RAP2B: variants seen among roughly 807,000 people sequenced by gnomAD.
RAP2B encodes the protein ras-related protein Rap-2b.
A neutral mutation model predicts 14.4 loss-of-function variants in RAP2B; 6 were observed. The observed-to-expected ratio is 0.42, with a 90% CI of 0.23 to 0.82. RAP2B has a LOEUF of 0.82. Ranked by LOEUF, RAP2B falls within the 40% of genes least tolerant of loss-of-function variation. RAP2B has a pLI of 0.30. For missense variants in RAP2B, 137 were observed against 248.2 expected, an observed-to-expected ratio of 0.55 and a Z score of 3.01; for synonymous variants, 118 against 113.2, an observed-to-expected ratio of 1.04 and a Z score of -0.27.
In RAP2B at chr3:153,169,507, G is replaced by A. The variant is rs190392083; in HGVS notation, c.*6262G>A. On this transcript the variant is annotated 3_prime_UTR_variant, in exon 1 of 1. Transcript: ENST00000323534. ...GTCGCCCAGGCTGGAGTGCAATGGC[G>A]CGATCTCGGCTCACTGCAACCTCTG... 541 of 154,022 alleles carry A rather than the reference G, an allele frequency of 3.5e-3. 4 individuals are homozygous for A. Among genetic ancestry groups the A allele is most frequent in the Non-Finnish European group, 4.0e-3 (275 of 69,512 alleles). The allele number at this position is 154,022 out of a possible 1,614,324, so 9.5% of individuals were successfully genotyped here.
rs552226614 is a variant in RAP2B at position 153,163,426 on chromosome 3, T to C, written c.*181T>C. 19 of 759,494 alleles carry C rather than the reference T, an allele frequency of 2.5e-5. No homozygotes were observed. The South Asian group carries it at 3.4e-4, about 14-fold the overall frequency. The allele number at this position is 759,494 out of a possible 1,614,324, so 47.0% of individuals were successfully genotyped here. On this transcript the variant is annotated 3_prime_UTR_variant, in exon 1 of 1. Transcript: ENST00000323534. ...CCTCCACCCTGTGCCCGAGGGGGTG[T>C]CCGGTCCTGCCCATCCGATACTCTG...
rs1713469459 is a variant in RAP2B, at chr3:153,163,396, C to T, written c.*151C>T. On this transcript the variant is annotated 3_prime_UTR_variant, in exon 1 of 1. Transcript: ENST00000323534. ...CCGGCTGGCCTCCGCGGCCGGCGTC[C>T]CCTGCCTCCACCCTGTGCCCGAGGG... is the stretch of plus-strand genomic sequence containing the variant. The T allele has an allele frequency of 3.3e-5, 36 of 1,086,440 alleles. No homozygotes were observed. Among genetic ancestry groups the T allele is most frequent in the Non-Finnish European group, 4.6e-5 (35 of 768,990 alleles). The allele number at this position is 1,086,440 out of a possible 1,614,324, so 67.3% of individuals were successfully genotyped here.
At position 153,163,391 on chromosome 3, in the gene RAP2B, G is replaced by C; in HGVS notation, c.*146G>C. On this transcript the variant is annotated 3_prime_UTR_variant, in exon 1 of 1. Transcript: ENST00000323534. ...GGAGCCCGGCTGGCCTCCGCGGCCG[G>C]CGTCCCCTGCCTCCACCCTGTGCCC... is the stretch of plus-strand genomic sequence containing the variant. The C allele has an allele frequency of 8.7e-7, 1 of 1,150,944 alleles. No individual in the cohort carries two copies. Among genetic ancestry groups the C allele is most frequent in the South Asian group, 1.6e-5 (1 of 60,954 alleles). The allele number at this position is 1,150,944 out of a possible 1,614,324, so 71.3% of individuals were successfully genotyped here.
rs1713520211 is a variant in RAP2B, at chr3:153,164,649, AT to A, written c.*1409del. On this transcript the variant is annotated 3_prime_UTR_variant, in exon 1 of 1. Coordinates refer to ENST00000323534, the MANE Select transcript of RAP2B (RefSeq NM_002886.4). ...GATGTACCAATTCTAACTAATTGTA[AT>A]TTTTAATTTCATGCGTTTAATCATT... 6.0e-6 allele frequency: 1 copy of A among 167,042 alleles called. No individual in the cohort carries two copies. The highest frequency in any genetic ancestry group is 6.5e-5 in the Admixed American group (1 of 15,268). 10.3% of individuals were successfully genotyped at this position (167,042 alleles called of 1,614,324 possible).
rs968631621 is a variant in RAP2B at position 153,166,976 on chromosome 3, T to C, written c.*3731T>C. 3 of 166,850 alleles carry C rather than the reference T, an allele frequency of 1.8e-5. No homozygotes were observed. The highest frequency in any genetic ancestry group is 4.4e-5 in the Non-Finnish European group (3 of 68,094). 10.3% of individuals were successfully genotyped at this position (166,850 alleles called of 1,614,324 possible). A position where few individuals can be genotyped will look rare whatever the true frequency, so the allele number is the denominator to read the frequency against. On this transcript the variant is annotated 3_prime_UTR_variant, in exon 1 of 1. Transcript: ENST00000323534. ...AGAAGTAGAAGCATCTTAACTGTCATAAGAGCATAGATTTTTTGTTTTTCA... is the reference window on the plus strand; with the variant it reads ...AGAAGTAGAAGCATCTTAACTGTCACAAGAGCATAGATTTTTTGTTTTTCA...
chr3:153,162,602 G>A lies in RAP2B; in HGVS notation c.-92G>A. On this transcript the variant is annotated 5_prime_UTR_variant, in exon 1 of 1. Coordinates refer to ENST00000323534, the MANE Select transcript of RAP2B (RefSeq NM_002886.4). This position sits in a 1 kb window ranked among gnomAD's most constrained non-coding sequence, Gnocchi z 4.9. Reference sequence around the variant, plus strand: ...GGGTTTTTCCTGCGTAGCTGAGGAAGGGGAAGAGAAGTCCAGCCGCCAAGC... The same window carrying A: ...GGGTTTTTCCTGCGTAGCTGAGGAAAGGGAAGAGAAGTCCAGCCGCCAAGC... 1 of 1,378,834 alleles carries A rather than the reference G, an allele frequency of 7.3e-7. No homozygotes were observed. Among genetic ancestry groups the A allele is most frequent in the Non-Finnish European group, 9.6e-7 (1 of 1,037,692 alleles). The allele number at this position is 1,378,834 out of a possible 1,614,324, so 85.4% of individuals were successfully genotyped here. A position where few individuals can be genotyped will look rare whatever the true frequency, so the allele number is the denominator to read the frequency against.
At position 153,162,475 on chromosome 3, in the gene RAP2B, G is replaced by A. The variant is rs1713429199; in HGVS notation, c.-219G>A. 4 of 413,752 alleles carry A rather than the reference G, an allele frequency of 9.7e-6. No individual in the cohort carries two copies. Among genetic ancestry groups the A allele is most frequent in the Non-Finnish European group, 1.6e-5 (4 of 242,602 alleles). The allele number at this position is 413,752 out of a possible 1,614,324, so 25.6% of individuals were successfully genotyped here. On this transcript the variant is annotated 5_prime_UTR_variant, in exon 1 of 1. Coordinates refer to ENST00000323534, the MANE Select transcript of RAP2B (RefSeq NM_002886.4). This position sits in a 1 kb window ranked among gnomAD's most constrained non-coding sequence, Gnocchi z 4.9. ...GCCGCCGCGGACTGCTGCGGGGCCCGGACCCGCACCCCAGGGATACGCTGC... is the reference window on the plus strand; with the variant it reads ...GCCGCCGCGGACTGCTGCGGGGCCCAGACCCGCACCCCAGGGATACGCTGC...
At position 153,170,140 on chromosome 3, in the gene RAP2B, G is replaced by A. The variant is rs1713691159; in HGVS notation, c.*6895G>A. ...GTGAGGTTAAGTTTGTCAGAGGATTGAAAACGTGGTTGGTTTATTTGTGGT... is the reference window on the plus strand; with the variant it reads ...GTGAGGTTAAGTTTGTCAGAGGATTAAAAACGTGGTTGGTTTATTTGTGGT... On this transcript the variant is annotated 3_prime_UTR_variant, in exon 1 of 1. Coordinates refer to ENST00000323534, the MANE Select transcript of RAP2B (RefSeq NM_002886.4). 6.6e-6 allele frequency: 1 copy of A among 152,172 alleles called. No homozygotes were observed. The allele number at this position is 152,172 out of a possible 1,614,324, so 9.4% of individuals were successfully genotyped here. A position where few individuals can be genotyped will look rare whatever the true frequency, so the allele number is the denominator to read the frequency against.
rs1713537290 is a variant in RAP2B at position 153,165,066 on chromosome 3, A to G, written c.*1821A>G. The G allele has an allele frequency of 6.0e-6, 1 of 166,880 alleles. No individual in the cohort carries two copies. Among genetic ancestry groups the G allele is most frequent in the Non-Finnish European group, 1.5e-5 (1 of 68,124 alleles). The allele number at this position is 166,880 out of a possible 1,614,324, so 10.3% of individuals were successfully genotyped here. On this transcript the variant is annotated 3_prime_UTR_variant, in exon 1 of 1. Coordinates refer to ENST00000323534, the MANE Select transcript of RAP2B (RefSeq NM_002886.4). ...TTGCCTTAGATCTGGGAAAGTAACC[A>G]TCCTTCTGGCAAAGTAGGATGGCAC...
At position 153,163,353 on chromosome 3, in the gene RAP2B, C is replaced by T; in HGVS notation, c.*108C>T. The T allele has an allele frequency of 7.0e-7, 1 of 1,419,268 alleles. No individual in the cohort carries two copies. Among genetic ancestry groups the T allele is most frequent in the South Asian group, 1.5e-5 (1 of 66,604 alleles). 87.9% of individuals were successfully genotyped at this position (1,419,268 alleles called of 1,614,324 possible). On this transcript the variant is annotated 3_prime_UTR_variant, in exon 1 of 1. Coordinates refer to ENST00000323534, the MANE Select transcript of RAP2B (RefSeq NM_002886.4). ...GAGATTGGAGACCACTTTGCATTGG[C>T]CAGGGTGTCTTGGGAGCCCGGCTGG... is the stretch of plus-strand genomic sequence containing the variant.
rs879070024 is a variant in RAP2B at position 153,165,692 on chromosome 3, A to AT, written c.*2457dup. The stretch of plus-strand genomic sequence containing the variant: ...TTTGCCTGGCAATGGTCCTACTGCC[A>AT]TTTTTTTTTTCCCACTCTGATCTCA... On this transcript the variant is annotated 3_prime_UTR_variant, in exon 1 of 1. Transcript: ENST00000323534. 50 of 163,192 alleles carry AT rather than the reference A, an allele frequency of 3.1e-4. No individual in the cohort carries two copies. The highest frequency in any genetic ancestry group is 6.9e-3 in the Middle Eastern group (2 of 290). 10.1% of individuals were successfully genotyped at this position (163,192 alleles called of 1,614,324 possible). A position where few individuals can be genotyped will look rare whatever the true frequency, so the allele number is the denominator to read the frequency against.
rs1372102818 is a variant in RAP2B at position 153,162,533 on chromosome 3, C to T, written c.-161C>T. The stretch of plus-strand genomic sequence containing the variant: ...GCCGGCCGGCCCGGCGCCCGGCCTC[C>T]GTTCGGTGGTTTCCGCCCTGCGTTC... On this transcript the variant is annotated 5_prime_UTR_variant, in exon 1 of 1. Transcript: ENST00000323534. The surrounding 1 kb of genome is among the most constrained non-coding windows in gnomAD (Gnocchi z 4.9). The T allele has an allele frequency of 3.5e-6, 3 of 849,548 alleles. No homozygotes were observed. The highest frequency in any genetic ancestry group is 3.7e-5 in the Admixed American group (1 of 27,338). The allele number at this position is 849,548 out of a possible 1,614,324, so 52.6% of individuals were successfully genotyped here.
At position 153,163,353 on chromosome 3, in the gene RAP2B, C is replaced by G. The variant is rs138980036; in HGVS notation, c.*108C>G. 1 of 1,419,268 alleles carries G rather than the reference C, an allele frequency of 7.0e-7. No individual in the cohort carries two copies. Among genetic ancestry groups the G allele is most frequent in the Non-Finnish European group, 9.3e-7 (1 of 1,071,804 alleles). 87.9% of individuals were successfully genotyped at this position (1,419,268 alleles called of 1,614,324 possible). A position where few individuals can be genotyped will look rare whatever the true frequency, so the allele number is the denominator to read the frequency against. On this transcript the variant is annotated 3_prime_UTR_variant, in exon 1 of 1. Transcript: ENST00000323534. ...GAGATTGGAGACCACTTTGCATTGG[C>G]CAGGGTGTCTTGGGAGCCCGGCTGG...
Position 153,166,936 on chromosome 3 carries a change from TAGC to T in RAP2B, c.*3695_*3697del, listed in dbSNP as rs1713597038. 1 of 166,972 alleles carries T rather than the reference TAGC, an allele frequency of 6.0e-6. No individual in the cohort carries two copies. Among genetic ancestry groups the T allele is most frequent in the Non-Finnish European group, 1.5e-5 (1 of 68,098 alleles). The allele number at this position is 166,972 out of a possible 1,614,324, so 10.3% of individuals were successfully genotyped here. ...GGTATGAGAAACAGAAAGCTATATG[TAGC>T]AGCTGGTCTTGAGAAGTAGAAGCAT... On this transcript the variant is annotated 3_prime_UTR_variant, in exon 1 of 1. Transcript: ENST00000323534.
rs769460665 is a variant in RAP2B at position 153,163,083 on chromosome 3, G to C, written c.390G>C (p.Glu130Asp). 6.2e-7 allele frequency: 1 copy of C among 1,613,990 alleles called. No individual in the cohort carries two copies. Among genetic ancestry groups the C allele is most frequent in the African/African-American group, 1.3e-5 (1 of 75,076 alleles). The change falls in exon 1 of 1, where the codon GAG becomes GAC. Residue 130 changes from glutamate (E) to aspartate (D), a missense_variant. By Grantham distance (45) the Glu-to-Asp change is conservative. Around this residue, in one of 2 missense-constraint regions of RAP2B, gnomAD observed 106 missense variants for 143.5 expected, o/e 0.74. Transcript: ENST00000323534. ...GTGAGCGCGAGGTCTCGTACGGGGA[G>C]GGCAAGGCCCTGGCTGAGGAGTGGA... Reference protein sequence around the residue: ...LEGEREVSYGEGKALAEEWSC... With the variant: ...LEGEREVSYGDGKALAEEWSC...
Position 153,165,987 on chromosome 3 carries a change from C to A in RAP2B, c.*2742C>A, listed in dbSNP as rs1163922103. ...GAAACCTTTTGACATAAAATGCTGC[C>A]AAGTATCTAAGAAATGTATATACTG... On this transcript the variant is annotated 3_prime_UTR_variant, in exon 1 of 1. Coordinates refer to ENST00000323534, the MANE Select transcript of RAP2B (RefSeq NM_002886.4). The A allele has an allele frequency of 6.0e-6, 1 of 166,774 alleles. No individual in the cohort carries two copies. Among genetic ancestry groups the A allele is most frequent in the East Asian group, 1.9e-4 (1 of 5,190 alleles). The allele number at this position is 166,774 out of a possible 1,614,324, so 10.3% of individuals were successfully genotyped here.
At position 153,168,762 on chromosome 3, in the gene RAP2B, T is replaced by A. The variant is rs1713647080; in HGVS notation, c.*5517T>A. 6.6e-6 allele frequency: 1 copy of A among 152,200 alleles called. No individual in the cohort carries two copies. The highest frequency in any genetic ancestry group is 1.5e-5 in the Non-Finnish European group (1 of 68,030). 9.4% of individuals were successfully genotyped at this position (152,200 alleles called of 1,614,324 possible). ...AGTTTGCCCATCTGATAAAGGAACA[T>A]TCCTGTATGCTATTCTAAGGTTCAT... is the stretch of plus-strand genomic sequence containing the variant. On this transcript the variant is annotated 3_prime_UTR_variant, in exon 1 of 1. Coordinates refer to ENST00000323534, the MANE Select transcript of RAP2B (RefSeq NM_002886.4).
rs1158776046 is a variant in RAP2B at position 153,163,341 on chromosome 3, A to G, written c.*96A>G. On this transcript the variant is annotated 3_prime_UTR_variant, in exon 1 of 1. Transcript: ENST00000323534. ...ATTTCTTGCTTTGAGATTGGAGACC[A>G]CTTTGCATTGGCCAGGGTGTCTTGG... 5 of 1,441,516 alleles carry G rather than the reference A, an allele frequency of 3.5e-6. No homozygotes were observed. The African/African-American group carries it at 7.2e-5, about 21-fold the overall frequency. 89.3% of individuals were successfully genotyped at this position (1,441,516 alleles called of 1,614,324 possible).
rs773944105 is a variant in RAP2B, at chr3:153,165,678, A to G, written c.*2433A>G. 54 of 166,918 alleles carry G rather than the reference A, an allele frequency of 3.2e-4. 1 individual carries two copies. Among genetic ancestry groups the G allele is most frequent in the Non-Finnish European group, 5.7e-4 (39 of 68,086 alleles). The allele number at this position is 166,918 out of a possible 1,614,324, so 10.3% of individuals were successfully genotyped here. ...GAAGAATAGAGAATTTTGCCTGGCA[A>G]TGGTCCTACTGCCATTTTTTTTTTC... On this transcript the variant is annotated 3_prime_UTR_variant, in exon 1 of 1. Coordinates refer to ENST00000323534, the MANE Select transcript of RAP2B (RefSeq NM_002886.4).
Sources: gnomAD v4.1 joint callset for allele counts on GRCh38, gnomAD v4.1.1 for gene constraint, gnomAD v4.1.1 regional missense constraint, Gnocchi (gnomAD v3.1) non-coding constraint, MANE v1.5 for transcripts, NCBI Gene and HGNC (gene_info 2026-07-23, HGNC 2026-07-21) for gene names.